The following ASIC2 variants were observed in gnomAD, a reference collection of about 807,000 sequenced individuals.
The protein encoded by ASIC2 is acid sensing ion channel subunit 2.
ASIC2 carries 25 observed loss-of-function variants against 57.3 expected under a neutral mutation model. The ratio of observed to expected loss-of-function variants is 0.44; its 90% CI spans 0.32 to 0.61. ASIC2 has a LOEUF of 0.61. ASIC2 is among the 20% of genes least tolerant of loss of function. ASIC2 has a pLI of 0.06. For missense variants in ASIC2, 641 were observed against 738.1 expected (o/e 0.87, Z 1.52); for synonymous variants, 319 against 307.5 (o/e 1.04, Z -0.39).
intron 1 of ASIC2, among the ~76,000 whole-genome samples, chr17:33,875,317 C>T (rs745329656): frequency 6.6e-6 from 1 of 152,202 alleles, no homozygotes; most frequent in Non-Finnish European, 1.5e-5. Context: ...GCAGAGTTTT[C>T]CAGAATACTG....
intron 1 of ASIC2, among the ~76,000 whole-genome samples, chr17:33,937,623 T>G (rs1053217092): frequency 2.0e-5 from 3 of 152,242 alleles, no homozygotes; most frequent in African/African-American, 7.2e-5. Context: ...TTTCTTCTAC[T>G]TAAGGCTATC....
intron 3 of ASIC2, among the ~76,000 whole-genome samples, chr17:33,047,929 T>C (rs2091961663): frequency 6.6e-6 from 1 of 152,212 alleles, no homozygotes; most frequent in Non-Finnish European, 1.5e-5. Flanking sequence ...TTATTTGTGA[T>C]GGACTGAATT....
chr17:33,625,752 A>T (rs1388854056), intron 1 of ASIC2, among the ~76,000 whole-genome samples: 2 of 152,254 alleles, frequency 1.3e-5, no homozygotes, highest in East Asian at 3.8e-4. Context: ...CAAATCTGCC[A>T]TGTGAGTTTT....
At chr17:33,208,369 C>G (rs1173002431) in intron 1 of ASIC2, among the ~76,000 whole-genome samples, 1 of 152,206 alleles carries the variant, frequency 6.6e-6, no homozygotes, top group Non-Finnish European at 1.5e-5. Context: ...GCTCCTTACT[C>G]AGGGCTTGCC....
chr17:33,752,354 C>G (rs1219314644), intron 1 of ASIC2, among the ~76,000 whole-genome samples: 1 of 151,366 alleles, frequency 6.6e-6, no homozygotes, highest in East Asian at 1.9e-4. Context: ...CATTCCCATA[C>G]TCTACACTCT....
rs116106845 is a variant in ASIC2, at chr17:33,363,612, G to T, written c.556-251545C>A. Reference sequence around the variant, plus strand: ...GGCCTCTGCCACTGAACACCAGTGCGCATGTCCATTTACCACCCACCCTGC... The same window carrying T: ...GGCCTCTGCCACTGAACACCAGTGCTCATGTCCATTTACCACCCACCCTGC... On this transcript the variant is annotated intron_variant, in intron 1 of 9. Coordinates refer to the ASIC2 transcript ENST00000359872. Among the ~76,000 whole-genome samples the T allele has an allele frequency of 2.1e-3, 326 of 152,282 alleles. 2 individuals carry two copies. Among genetic ancestry groups the T allele is most frequent in the African/African-American group, 7.4e-3 (309 of 41,556 alleles).
At chr17:34,011,548 C>T (rs893027731) in intron 1 of ASIC2, among the ~76,000 whole-genome samples, 2 of 152,118 alleles carry the variant, frequency 1.3e-5, no homozygotes, top group African/African-American at 4.8e-5. Context: ...ATCCTCCATT[C>T]CCCGCCCTCC....
At chr17:33,022,224 C>G (rs1019562494) in intron 6 of ASIC2, among the ~76,000 whole-genome samples, 2 of 152,166 alleles carry the variant, frequency 1.3e-5, no homozygotes, top group African/African-American at 4.8e-5. Flanking sequence ...TTCCCATCTG[C>G]CTTTCCCCCG....
chr17:33,175,030 G>A (rs1259801421), intron 1 of ASIC2, among the ~76,000 whole-genome samples: 1 of 152,014 alleles, frequency 6.6e-6, no homozygotes, highest in Non-Finnish European at 1.5e-5. Context: ...AAAACCCTGA[G>A]CAATTAAGAT....
intron 1 of ASIC2, among the ~76,000 whole-genome samples, chr17:33,934,275 C>T (rs185861656): frequency 1.3e-5 from 2 of 152,350 alleles, no homozygotes; most frequent in East Asian, 3.9e-4. Flanking sequence ...TCTCCTTGCT[C>T]ACCCAGAGTA....
chr17:33,948,547 G>C (rs1439893914), intron 1 of ASIC2, among the ~76,000 whole-genome samples: 1 of 152,196 alleles, frequency 6.6e-6, no homozygotes, highest in Non-Finnish European at 1.5e-5. Flanking sequence ...AACGCCACCT[G>C]GCCTCTGACT....
chr17:33,344,094 G>A (rs1369481966), intron 1 of ASIC2, among the ~76,000 whole-genome samples: 1 of 152,202 alleles, frequency 6.6e-6, no homozygotes, highest in Non-Finnish European at 1.5e-5. Context: ...TCAAAATTGG[G>A]TTAATGTCCA....
intron 1 of ASIC2, among the ~76,000 whole-genome samples, chr17:33,737,010 T>C (rs527430251): frequency 6.6e-6 from 1 of 152,392 alleles, no homozygotes; most frequent in African/African-American, 2.4e-5. Flanking sequence ...TTGGCACCTG[T>C]AACACTGTCT....
chr17:33,170,911 G>T (rs1361753080), intron 1 of ASIC2, among the ~76,000 whole-genome samples: 1 of 152,152 alleles, frequency 6.6e-6, no homozygotes, highest in Non-Finnish European at 1.5e-5. Flanking sequence ...ATTTGTTCTT[G>T]TTGAACCCAA....
At chr17:33,406,036 C>A (rs1597716959) in intron 1 of ASIC2, among the ~76,000 whole-genome samples, 1 of 152,108 alleles carries the variant, frequency 6.6e-6, no homozygotes, top group East Asian at 1.9e-4. Flanking sequence ...TGAAAAAAAA[C>A]CTGGGCCAGG....
chr17:33,636,906 G>A (rs1430798095), intron 1 of ASIC2, among the ~76,000 whole-genome samples: 1 of 151,712 alleles, frequency 6.6e-6, no homozygotes, highest in Non-Finnish European at 1.5e-5. Context: ...CCACACACCT[G>A]TACAATTCTC....
intron 3 of ASIC2, among the ~76,000 whole-genome samples, chr17:33,056,441 C>T (rs1232861739): frequency 2.0e-5 from 3 of 152,190 alleles, no homozygotes; most frequent in Non-Finnish European, 4.4e-5. Context: ...ATAGCCCCTT[C>T]CCAGCCACCC....
chr17:33,450,015 G>T (rs1215225837), intron 1 of ASIC2, among the ~76,000 whole-genome samples: 7 of 152,122 alleles, frequency 4.6e-5, no homozygotes, highest in Admixed American at 4.6e-4. Context: ...TGATCCTCCT[G>T]CCTCAGCCTC....
chr17:33,574,020 G>A (rs1429701992), intron 1 of ASIC2, among the ~76,000 whole-genome samples: 2 of 152,230 alleles, frequency 1.3e-5, no homozygotes, highest in African/African-American at 4.8e-5. Flanking sequence ...GACTGTTAGG[G>A]TGTTTCTAAT....
Sources: allele counts gnomAD v4.1 joint callset (sites outside exome capture counted in the v4.1 genomes callset), GRCh38; gene constraint gnomAD v4.1.1; transcripts MANE v1.5; gene names NCBI Gene and HGNC (gene_info 2026-07-23, HGNC 2026-07-21).